The following OLFM3 variants were observed in gnomAD, a reference collection of about 807,000 sequenced individuals.
The protein encoded by OLFM3 is noelin-3.
In OLFM3, 20 loss-of-function variants were observed where a neutral mutation model predicts 48.6. That is an observed-to-expected ratio of 0.41 (90% confidence interval 0.29 to 0.60). OLFM3 has a LOEUF of 0.60. Ranked by LOEUF, OLFM3 falls within the 20% of genes least tolerant of loss-of-function variation. The pLI is 0.28. For synonymous variants in OLFM3, 222 were observed against 198.1 expected (o/e 1.12, Z -1.01); for missense variants, 437 against 544.3 (o/e 0.80, Z 1.96).
intron 1 of OLFM3, among the ~76,000 whole-genome samples, chr1:101,896,670 ATTTTTTT>A (rs3079210): frequency 1.9e-5 from 2 of 105,704 alleles, no homozygotes; most frequent in Admixed American, 2.1e-4. Flanking sequence ...GATTTTTTGT[ATTTTTTT>A]TTTTTTTTTT....
At chr1:101,847,044 G>T in intron 1 of OLFM3, 1 of 1,539,922 alleles carries the variant, frequency 6.5e-7, no homozygotes, top group South Asian at 1.2e-5. Context: ...CGGGAGGCGT[G>T]ACTGCAGCGC....
At chr1:101,846,854 C>A (rs780993644) in intron 1 of OLFM3, 19 of 1,611,524 alleles carry the variant, frequency 1.2e-5, no homozygotes, top group Non-Finnish European at 1.4e-5. Flanking sequence ...CTAAGGTATC[C>A]GGAGTCGACA....
At chr1:101,907,251 G>A (rs1658584107) in intron 1 of OLFM3, among the ~76,000 whole-genome samples, 1 of 152,148 alleles carries the variant, frequency 6.6e-6, no homozygotes, top group African/African-American at 2.4e-5. Context: ...TCTCTGTAGA[G>A]AATATGTTTA....
chr1:101,843,488 C>CG (rs1655832218), intron 1 of OLFM3, among the ~76,000 whole-genome samples: 1 of 152,054 alleles, frequency 6.6e-6, no homozygotes, highest in Non-Finnish European at 1.5e-5. Context: ...CCAATGCCTC[C>CG]AAAGGCTGAT....
At position 101,866,828 on chromosome 1, in the gene OLFM3, C is replaced by T. The variant is rs188848807; in HGVS notation, c.70-29803G>A. Among the ~76,000 whole-genome samples the T allele has an allele frequency of 3.5e-3, 526 of 152,208 alleles. 5 individuals are homozygous for T. Among genetic ancestry groups the T allele is most frequent in the African/African-American group, 0.012 (495 of 41,540 alleles). On this transcript the variant is annotated intron_variant, in intron 1 of 5. Coordinates refer to ENST00000370103, the MANE Select transcript of OLFM3 (RefSeq NM_058170.4). ...GACTCGGTAATGGAATGTAACATCT[C>T]TAATTTCAAGTTTTATGTGTGTGTG...
intron 1 of OLFM3, among the ~76,000 whole-genome samples, chr1:101,838,844 A>G (rs974287016): frequency 1.3e-5 from 2 of 152,182 alleles, no homozygotes; most frequent in African/African-American, 2.4e-5. Context: ...CAGATTTACC[A>G]TAGTAGGTGG....
chr1:101,842,237 C>T (rs140469296), intron 1 of OLFM3, among the ~76,000 whole-genome samples: 7 of 152,108 alleles, frequency 4.6e-5, no homozygotes, highest in East Asian at 3.9e-4. Context: ...AAACCAAAAA[C>T]ATTATCAAAT....
chr1:101,959,072 C>T (rs191458417), intron 1 of OLFM3, among the ~76,000 whole-genome samples: 72 of 148,136 alleles, frequency 4.9e-4, no homozygotes, highest in Admixed American at 1.4e-3. Flanking sequence ...GGTCTTAGCC[C>T]CTGGTGTTAG....
chr1:101,888,479 C>T (rs951190315), intron 1 of OLFM3, among the ~76,000 whole-genome samples: 2 of 152,162 alleles, frequency 1.3e-5, no homozygotes, highest in African/African-American at 4.8e-5. Flanking sequence ...CCCTTCCTTA[C>T]ACCTTATACA....
At chr1:101,806,669 G>T (rs964615649) in intron 4 of OLFM3, among the ~76,000 whole-genome samples, 1 of 151,544 alleles carries the variant, frequency 6.6e-6, no homozygotes, top group African/African-American at 2.4e-5. Flanking sequence ...CCCCAAGAAA[G>T]ATAACTTTAC....
chr1:101,877,210 G>C (rs912467953), intron 1 of OLFM3, among the ~76,000 whole-genome samples: 2 of 151,858 alleles, frequency 1.3e-5, no homozygotes, highest in African/African-American at 4.8e-5. Context: ...GTCTGGATTC[G>C]CAAGTTGAAA....
intron 1 of OLFM3, among the ~76,000 whole-genome samples, chr1:101,838,130 C>T (rs1252739591): frequency 6.6e-6 from 1 of 152,166 alleles, no homozygotes; most frequent in Non-Finnish European, 1.5e-5. Context: ...GATATCTCAG[C>T]TCACTGCAAC....
At chr1:101,880,111 A>G (rs1201351341) in intron 1 of OLFM3, among the ~76,000 whole-genome samples, 2 of 151,898 alleles carry the variant, frequency 1.3e-5, no homozygotes, top group African/African-American at 4.8e-5. Context: ...ACTGATTACA[A>G]CTTTAGAAAT....
intron 1 of OLFM3, among the ~76,000 whole-genome samples, chr1:101,972,378 A>G (rs976619612): frequency 6.6e-6 from 1 of 152,220 alleles, no homozygotes; most frequent in East Asian, 1.9e-4. Flanking sequence ...AAATTAGTGC[A>G]TTGATCATAA....
chr1:101,989,749 C>T (rs2101119799), intron 1 of OLFM3, among the ~76,000 whole-genome samples: 1 of 141,870 alleles, frequency 7.0e-6, no homozygotes, highest in South Asian at 2.2e-4. Flanking sequence ...CTTTAGAAGT[C>T]TCTACTGAGA....
At chr1:101,938,408 T>C (rs375739752) in intron 1 of OLFM3, among the ~76,000 whole-genome samples, 19 of 152,230 alleles carry the variant, frequency 1.2e-4, no homozygotes, top group African/African-American at 4.1e-4. Flanking sequence ...TCCCCTGAAA[T>C]GCATGCATGA....
chr1:101,963,329 C>A (rs1324541383), intron 1 of OLFM3, among the ~76,000 whole-genome samples: 2 of 152,182 alleles, frequency 1.3e-5, no homozygotes, highest in Non-Finnish European at 2.9e-5. Flanking sequence ...CCCTTGACCT[C>A]TAAATTCTTT....
Position 101,861,067 on chromosome 1 carries a change from T to G in OLFM3, c.70-24042A>C, listed in dbSNP as rs1656632314. On this transcript the variant is annotated intron_variant, in intron 1 of 5. Transcript: ENST00000370103. ...CTGAAATGAAATAGTTTGATTTGAT[T>G]ATATTTTTTTTTGAGACAAATTCTT... is the stretch of plus-strand genomic sequence containing the variant. Among the ~76,000 whole-genome samples the G allele has an allele frequency of 1.3e-5, 2 of 151,974 alleles. 1 individual carries two copies. Among genetic ancestry groups the G allele is most frequent in the African/African-American group, 4.8e-5 (2 of 41,322 alleles).
intron 1 of OLFM3, among the ~76,000 whole-genome samples, chr1:101,925,388 G>A (rs1349964926): frequency 6.6e-6 from 1 of 151,504 alleles, no homozygotes; most frequent in African/African-American, 2.4e-5. Flanking sequence ...TTCTAAATTA[G>A]ATGCCTTCTT....
Sources: allele counts gnomAD v4.1 joint callset (sites outside exome capture counted in the v4.1 genomes callset), GRCh38; gene constraint gnomAD v4.1.1; transcripts MANE v1.5; gene names NCBI Gene and HGNC (gene_info 2026-07-23, HGNC 2026-07-21).